The following TENM3 variants were observed in gnomAD, a reference collection of about 807,000 sequenced individuals.
TENM3 encodes the protein teneurin transmembrane protein 3.
In TENM3, 63 loss-of-function variants were observed where a neutral mutation model predicts 255.1. The observed-to-expected ratio is 0.25, with a 90% CI of 0.20 to 0.30. The LOEUF (loss-of-function observed/expected upper bound fraction) is 0.30. Among genes scored for constraint, TENM3 ranks in the 10% least tolerant of loss-of-function variants. TENM3 has a pLI of 1.00. For missense variants in TENM3, 2,929 were observed against 3,461.1 expected (o/e 0.85, Z 3.86); for synonymous variants, 1,306 against 1,322.3 (o/e 0.99, Z 0.27).
chr4:181,468,860 G>T, the TENM3 span, among the ~76,000 whole-genome samples: 1 of 152,160 alleles, frequency 6.6e-6, no homozygotes, highest in Non-Finnish European at 1.5e-5. Context: ...CACAAATACA[G>T]TTTCTGGAAA....
chr4:181,820,451 T>C, the TENM3 span, among the ~76,000 whole-genome samples: 92 of 151,686 alleles, frequency 6.1e-4, no homozygotes, highest in Non-Finnish European at 1.2e-3. Context: ...CAATGATTAG[T>C]GATAATGGGC....
chr4:181,776,101 T>C, the TENM3 span, among the ~76,000 whole-genome samples: 1 of 152,152 alleles, frequency 6.6e-6, no homozygotes, highest in Admixed American at 6.6e-5. Context: ...CCACTTCTGA[T>C]ATCTATCATT....
intron 3 of TENM3, among the ~76,000 whole-genome samples, chr4:182,554,982 G>A (rs1214213552): frequency 6.6e-6 from 1 of 151,842 alleles, no homozygotes; most frequent in Non-Finnish European, 1.5e-5. Flanking sequence ...AACTATTGTG[G>A]TCTCTTTATT....
chr4:182,379,027 A>G (rs1435443258), intron 3 of TENM3, among the ~76,000 whole-genome samples: 1 of 152,164 alleles, frequency 6.6e-6, no homozygotes, highest in Non-Finnish European at 1.5e-5. Flanking sequence ...AAGATCGAGC[A>G]TCGGATTTGG....
At chr4:182,758,855 AT>A (rs1762923318) in intron 22 of TENM3, among the ~76,000 whole-genome samples, 1 of 152,332 alleles carries the variant, frequency 6.6e-6, no homozygotes, top group East Asian at 1.9e-4. Flanking sequence ...TTGAGCTCTG[AT>A]AACAGGCTCT....
chr4:181,547,791 T>C, the TENM3 span, among the ~76,000 whole-genome samples: 11 of 152,270 alleles, frequency 7.2e-5, no homozygotes, highest in African/African-American at 2.4e-4. Flanking sequence ...GTAATTTCCA[T>C]TGATATTTAT....
chr4:181,729,124 G>T, the TENM3 span, among the ~76,000 whole-genome samples: 6 of 152,176 alleles, frequency 3.9e-5, 1 homozygote, highest in Admixed American at 6.5e-5. Flanking sequence ...TAAATGCTGT[G>T]ATGTCCCATG....
chr4:181,458,858 A>G, the TENM3 span, among the ~76,000 whole-genome samples: 1 of 152,070 alleles, frequency 6.6e-6, no homozygotes, highest in Admixed American at 6.6e-5. Flanking sequence ...AGACGCTATG[A>G]ATATTTAAGT....
the TENM3 span, among the ~76,000 whole-genome samples, chr4:181,636,450 C>T: frequency 6.6e-6 from 1 of 152,160 alleles, no homozygotes; most frequent in Non-Finnish European, 1.5e-5. Context: ...TTAGTCACAT[C>T]CACAAAATAC....
At chr4:181,597,529 A>G in the TENM3 span, among the ~76,000 whole-genome samples, 1 of 151,988 alleles carries the variant, frequency 6.6e-6, no homozygotes, top group African/African-American at 2.4e-5. Flanking sequence ...AAGCATTAAC[A>G]TATCTAAGGC....
rs927619195 is a variant in TENM3 at position 182,379,030 on chromosome 4, G to A, written c.511+32101G>A. Among the ~76,000 whole-genome samples the A allele has an allele frequency of 3.3e-5, 5 of 152,242 alleles. No homozygotes were observed. The East Asian group carries it at 7.7e-4, about 24-fold the overall frequency. On this transcript the variant is annotated intron_variant, in intron 3 of 27. Transcript: ENST00000511685. ...GTTCTAAGCGGGAAGATCGAGCATC[G>A]GATTTGGACTTTCATAAAAACTCGA...
At position 182,194,287 on chromosome 4, in the gene TENM3, A is replaced by T. The variant is rs917840803; in HGVS notation, c.-76+49533A>T. On this transcript the variant is annotated intron_variant, in intron 1 of 2. Transcript: ENST00000512480. ...GCAGAATTGTTAAGTGAGCCTTCTGATTGGGACGAAGCTGAGTACCGCTGA... is the reference window on the plus strand; with the variant it reads ...GCAGAATTGTTAAGTGAGCCTTCTGTTTGGGACGAAGCTGAGTACCGCTGA... Among the ~76,000 whole-genome samples, 6 of 152,172 alleles carry T rather than the reference A, an allele frequency of 3.9e-5. No homozygotes were observed. In the South Asian group the frequency reaches 8.3e-4, roughly 21 times the overall value.
At chr4:182,045,961 T>A in the TENM3 span, among the ~76,000 whole-genome samples, 1 of 152,056 alleles carries the variant, frequency 6.6e-6, no homozygotes, top group Non-Finnish European at 1.5e-5. Flanking sequence ...GATGGGAGGA[T>A]CACTTGAGCC....
At chr4:182,203,121 G>A (rs1754306317) in intron 1 of TENM3, among the ~76,000 whole-genome samples, 1 of 151,992 alleles carries the variant, frequency 6.6e-6, no homozygotes, top group African/African-American at 2.4e-5. Context: ...GGAGGCTGAG[G>A]CAGGAGAATC....
chr4:182,174,540 A>T (rs1579601246), intron 1 of TENM3, among the ~76,000 whole-genome samples: 1 of 150,978 alleles, frequency 6.6e-6, no homozygotes, highest in Non-Finnish European at 1.5e-5. Context: ...ACAAACACAC[A>T]CTTTAACAGG....
chr4:181,996,487 A>T, the TENM3 span, among the ~76,000 whole-genome samples: 1 of 152,208 alleles, frequency 6.6e-6, no homozygotes, highest in Non-Finnish European at 1.5e-5. Context: ...ATGCCAGGAC[A>T]GCTGAAGCAG....
At chr4:181,850,080 C>T in the TENM3 span, among the ~76,000 whole-genome samples, 61 of 151,682 alleles carry the variant, frequency 4.0e-4, no homozygotes, top group Admixed American at 1.8e-3. Flanking sequence ...TCTTTCCCTC[C>T]CTCCGTTCTG....
intron 22 of TENM3, among the ~76,000 whole-genome samples, chr4:182,765,020 G>A (rs116198027): frequency 0.011 from 1,709 of 152,236 alleles, 15 homozygotes; most frequent in Middle Eastern, 0.024. Context: ...TCCCAACTTA[G>A]GTGACTAGTG....
chr4:182,694,485 G>A (rs995608632), intron 12 of TENM3, among the ~76,000 whole-genome samples: 1 of 152,252 alleles, frequency 6.6e-6, no homozygotes, highest in Non-Finnish European at 1.5e-5. Context: ...TTCTAGTAAT[G>A]TCTCAAACAC....
Sources: allele counts gnomAD v4.1 joint callset (sites outside exome capture counted in the v4.1 genomes callset), GRCh38; gene constraint gnomAD v4.1.1; transcripts MANE v1.5; gene names NCBI Gene and HGNC (gene_info 2026-07-23, HGNC 2026-07-21).